Variants in SLC25A21 observed in about 807,000 individuals in gnomAD.
The protein encoded by SLC25A21 is solute carrier family 25 member 21.
SLC25A21 carries 47 observed loss-of-function variants against 43.8 expected under a neutral mutation model. The observed-to-expected ratio is 1.07, with a 90% CI of 0.85 to 1.37. SLC25A21 has a LOEUF of 1.37. Ranked by LOEUF, SLC25A21 falls within the 40% of genes most tolerant of loss-of-function variation. The probability of loss-of-function intolerance (pLI) is 0.00; values close to 1 mark genes in which losing one functional copy is unlikely to be tolerated. For synonymous variants in SLC25A21, 131 were observed against 121.3 expected (o/e 1.08, Z -0.52); for missense variants, 352 against 350.2 (o/e 1.00, Z -0.04).
At chr14:36,899,989 G>C (rs1329347496) in intron 1 of SLC25A21, among the ~76,000 whole-genome samples, 1 of 152,086 alleles carries the variant, frequency 6.6e-6, no homozygotes, top group African/African-American at 2.4e-5. Flanking sequence ...TCTTTTGGTT[G>C]TATGAGAGAA....
intron 1 of SLC25A21, among the ~76,000 whole-genome samples, chr14:37,004,672 G>A (rs1040294140): frequency 1.3e-5 from 2 of 152,278 alleles, no homozygotes; most frequent in East Asian, 3.9e-4. Flanking sequence ...TCAGCCTGCT[G>A]AGGGCTCCTC....
chr14:37,098,746 T>TAGAC (rs1201386691), intron 1 of SLC25A21, among the ~76,000 whole-genome samples: 1 of 31,268 alleles, frequency 3.2e-5, no homozygotes, highest in African/African-American at 6.3e-5. Flanking sequence ...GATAGATAGA[T>TAGAC]AGACAGACAG....
chr14:37,150,826 G>A (rs929219775), intron 1 of SLC25A21, among the ~76,000 whole-genome samples: 2 of 152,228 alleles, frequency 1.3e-5, no homozygotes, highest in East Asian at 1.9e-4. Flanking sequence ...AGAGGATCTT[G>A]CAATTTACTC....
intron 7 of SLC25A21, among the ~76,000 whole-genome samples, chr14:36,696,745 G>A (rs188235466): frequency 6.7e-6 from 1 of 150,202 alleles, no homozygotes; most frequent in Admixed American, 6.7e-5. Context: ...CTGTGGGATC[G>A]GTGCTGATAT....
chr14:37,106,797 A>T (rs960738278), intron 1 of SLC25A21, among the ~76,000 whole-genome samples: 3 of 152,140 alleles, frequency 2.0e-5, no homozygotes, highest in Non-Finnish European at 4.4e-5. Context: ...CAGGCATCAC[A>T]GTCCTACCGA....
At chr14:37,100,194 T>TACTACA (rs1296992284) in intron 1 of SLC25A21, among the ~76,000 whole-genome samples, 1 of 152,018 alleles carries the variant, frequency 6.6e-6, no homozygotes, top group Non-Finnish European at 1.5e-5. Flanking sequence ...GAGTAGCTGG[T>TACTACA]ACTACAGGCA....
chr14:36,775,645 T>C lies in SLC25A21; in HGVS notation c.203+38273A>G, dbSNP rs538311614. On this transcript the variant is annotated intron_variant, in intron 3 of 9. Coordinates refer to ENST00000331299, the MANE Select transcript of SLC25A21 (RefSeq NM_030631.4). The stretch of plus-strand genomic sequence containing the variant: ...CCATTGAAAGGATAAGAGTCTTTTA[T>C]AGTTCATAACCGAGCAACCAACAAT... Among the ~76,000 whole-genome samples the C allele has an allele frequency of 8.5e-5, 13 of 152,306 alleles. No individual in the cohort carries two copies. In the East Asian group the frequency reaches 1.9e-3, roughly 23 times the overall value.
chr14:36,869,136 T>C (rs1190878267), intron 2 of SLC25A21, among the ~76,000 whole-genome samples: 1 of 152,168 alleles, frequency 6.6e-6, no homozygotes, highest in East Asian at 1.9e-4. Context: ...AGGGACACCA[T>C]TCAACTCAAT....
chr14:36,933,714 C>T lies in SLC25A21; in HGVS notation c.71-58710G>A, dbSNP rs146335720. Among the ~76,000 whole-genome samples, 68 of 152,268 alleles carry T rather than the reference C, an allele frequency of 4.5e-4. 1 individual carries two copies. In the East Asian group the frequency reaches 0.013, roughly 28 times the overall value. ...GAGGAATCAGGAAACTGCCCAGCCC[C>T]CTCCTCCAGCCCCAGGATAGAAGCT... On this transcript the variant is annotated intron_variant, in intron 1 of 9. Transcript: ENST00000331299.
intron 1 of SLC25A21, among the ~76,000 whole-genome samples, chr14:36,944,202 A>T (rs1234325798): frequency 6.6e-6 from 1 of 152,140 alleles, no homozygotes; most frequent in East Asian, 1.9e-4. Flanking sequence ...TCCTGTCGAC[A>T]CCTGGGACCC....
At chr14:37,143,521 A>G (rs1963605279) in intron 1 of SLC25A21, among the ~76,000 whole-genome samples, 1 of 152,184 alleles carries the variant, frequency 6.6e-6, no homozygotes, top group South Asian at 2.1e-4. Context: ...TAATAATGTC[A>G]GCGTGTAAAC....
chr14:36,732,412 G>A (rs1214665281), intron 4 of SLC25A21, among the ~76,000 whole-genome samples: 1 of 151,974 alleles, frequency 6.6e-6, no homozygotes, highest in Non-Finnish European at 1.5e-5. Context: ...CCATGGTGCC[G>A]CCCATCTGTG....
intron 1 of SLC25A21, among the ~76,000 whole-genome samples, chr14:37,111,163 T>C (rs1467217376): frequency 6.6e-6 from 1 of 152,174 alleles, no homozygotes; most frequent in Non-Finnish European, 1.5e-5. Flanking sequence ...TTTGTTAGAA[T>C]GAGAATCCTT....
chr14:36,812,020 C>G lies in SLC25A21; in HGVS notation c.203+1898G>C, dbSNP rs536601329. 7.9e-5 allele frequency among the ~76,000 whole-genome samples: 12 copies of G among 151,990 alleles called. No individual in the cohort carries two copies. In the South Asian group the frequency reaches 2.3e-3, roughly 29 times the overall value. On this transcript the variant is annotated intron_variant, in intron 3 of 9. Transcript: ENST00000331299. Reference sequence around the variant, plus strand: ...GACAAGTTGGAAAAATTGTTTACAACCTACATAATAGTCAAAGGATTAGTA... The same window carrying G: ...GACAAGTTGGAAAAATTGTTTACAAGCTACATAATAGTCAAAGGATTAGTA...
At position 36,679,350 on chromosome 14, in the gene SLC25A21, A is replaced by AAAG. The variant is rs1882081604; in HGVS notation, c.*1305_*1307dup. The AAAG allele has an allele frequency of 9.3e-6, 9 of 972,418 alleles. No individual in the cohort carries two copies. The highest frequency in any genetic ancestry group is 9.5e-5 in the South Asian group (2 of 21,032). The allele number at this position is 972,418 out of a possible 1,614,324, so 60.2% of individuals were successfully genotyped here. On this transcript the variant is annotated 3_prime_UTR_variant, in exon 10 of 10. Coordinates refer to ENST00000331299, the MANE Select transcript of SLC25A21 (RefSeq NM_030631.4). ...TACTTCAAATGCTCTAAATTAATAA[A>AAAG]AAGTAATAATTACCATGTTATCTTT... is the stretch of plus-strand genomic sequence containing the variant.
intron 6 of SLC25A21, among the ~76,000 whole-genome samples, chr14:36,722,806 T>C (rs1405994592): frequency 6.6e-6 from 1 of 152,224 alleles, no homozygotes; most frequent in Non-Finnish European, 1.5e-5. Flanking sequence ...CTTTATAACA[T>C]AAATATGCAT....
chr14:36,779,983 G>T (rs1166895136), intron 3 of SLC25A21, among the ~76,000 whole-genome samples: 1 of 151,840 alleles, frequency 6.6e-6, no homozygotes, highest in Non-Finnish European at 1.5e-5. Context: ...CTTTAATTCA[G>T]ACTGTTATAC....
chr14:37,004,704 C>T (rs776132802), intron 1 of SLC25A21, among the ~76,000 whole-genome samples: 11 of 152,140 alleles, frequency 7.2e-5, no homozygotes, highest in African/African-American at 1.7e-4. Context: ...GCAGGTTCAG[C>T]GTCTCTGGGA....
chr14:37,024,215 T>C (rs1961045530), intron 1 of SLC25A21, among the ~76,000 whole-genome samples: 1 of 152,108 alleles, frequency 6.6e-6, no homozygotes, highest in Non-Finnish European at 1.5e-5. Flanking sequence ...GGCAGTCCTT[T>C]TCTCTCCTTG....
Sources: allele counts gnomAD v4.1 joint callset (sites outside exome capture counted in the v4.1 genomes callset), GRCh38; gene constraint gnomAD v4.1.1; transcripts MANE v1.5; gene names NCBI Gene and HGNC (gene_info 2026-07-23, HGNC 2026-07-21).